The following CIMIP2A variants were observed in gnomAD, a reference collection of about 807,000 sequenced individuals.
CIMIP2A encodes the protein family with sequence similarity 166 member A.
At chr9:137,245,352 G>A in the CIMIP2A span, 9 of 1,606,870 alleles carry the variant, frequency 5.6e-6, no homozygotes, top group East Asian at 4.5e-5. Flanking sequence ...CGCTCTTCCA[G>A]GCCTCTTCCC....
the CIMIP2A span, chr9:137,245,212 G>C: frequency 5.7e-6 from 9 of 1,581,136 alleles, no homozygotes; most frequent in South Asian, 5.6e-5. Context: ...CTCTGGCAGT[G>C]GTACAGCTGG....
At chr9:137,251,772 C>A in the CIMIP2A span, 19 of 1,586,156 alleles carry the variant, frequency 1.2e-5, no homozygotes, top group Non-Finnish European at 1.6e-5. Context: ...GGGCCCGGAG[C>A]CGGGGATGGC....
At chr9:137,244,624 T>C in the CIMIP2A span, 7 of 1,612,984 alleles carry the variant, frequency 4.3e-6, no homozygotes, top group Non-Finnish European at 5.9e-6. Context: ...GAGCAGGCCC[T>C]GGATGGCGCT....
At chr9:137,252,230 G>A in the CIMIP2A span, 3 of 1,504,968 alleles carry the variant, frequency 2.0e-6, no homozygotes, top group Non-Finnish European at 2.7e-6. Flanking sequence ...CACGGCCTGA[G>A]GGCCCCTCCA....
chr9:137,251,900 G>C, the CIMIP2A span: 8 of 1,605,754 alleles, frequency 5.0e-6, no homozygotes, highest in African/African-American at 1.3e-5. Flanking sequence ...AACTATGTGA[G>C]TGAGGGTCCT....
chr9:137,252,949 C>T, the CIMIP2A span: 1 of 1,599,260 alleles, frequency 6.3e-7, no homozygotes, highest in Non-Finnish European at 8.5e-7. Flanking sequence ...CTGCGTTCAC[C>T]TCCTGGCTCA....
chr9:137,245,732 A>C, the CIMIP2A span: 2 of 1,601,138 alleles, frequency 1.2e-6, no homozygotes, highest in African/African-American at 2.7e-5. Context: ...TTGGGTTTGG[A>C]CATGGGGGAC....
chr9:137,252,419 T>C, the CIMIP2A span: 1 of 1,605,706 alleles, frequency 6.2e-7, no homozygotes, highest in Non-Finnish European at 8.5e-7. Flanking sequence ...CTTCTCTCTC[T>C]CCATCCTCCA....
chr9:137,245,317 C>T, the CIMIP2A span: 1 of 1,589,178 alleles, frequency 6.3e-7, no homozygotes, highest in South Asian at 1.1e-5. Context: ...CTGGTGCTGC[C>T]TGGGGGCCTC....
the CIMIP2A span, chr9:137,245,772 G>A: frequency 6.4e-7 from 1 of 1,556,370 alleles, no homozygotes; most frequent in African/African-American, 1.4e-5. Flanking sequence ...TCTGCACACT[G>A]GGGTCTGTGA....
At chr9:137,247,782 G>T in the CIMIP2A span, 1 of 1,506,162 alleles carries the variant, frequency 6.6e-7, no homozygotes, top group Non-Finnish European at 9.2e-7. Context: ...CCTGAGGGGA[G>T]TCCTGTCACC....
At chr9:137,253,290 C>A in the CIMIP2A span, 1 of 1,576,434 alleles carries the variant, frequency 6.3e-7, no homozygotes, top group East Asian at 2.3e-5. Flanking sequence ...CGAGTGGAAC[C>A]ATGGCCTCCC....
At chr9:137,249,755 G>A in the CIMIP2A span, among the ~76,000 whole-genome samples, 2 of 152,240 alleles carry the variant, frequency 1.3e-5, no homozygotes, top group Non-Finnish European at 2.9e-5. Flanking sequence ...CGAGGACATG[G>A]AAGCGCCAGC....
the CIMIP2A span, chr9:137,252,281 A>G: frequency 7.5e-7 from 1 of 1,335,822 alleles, no homozygotes; most frequent in Non-Finnish European, 1.0e-6. Flanking sequence ...ACCTGTAAGG[A>G]GGCCTGGAGA....
At chr9:137,244,752 T>C in the CIMIP2A span, 2 of 1,610,476 alleles carry the variant, frequency 1.2e-6, no homozygotes, top group Non-Finnish European at 1.7e-6. Context: ...GGTAGGCAGA[T>C]GTACGGGCTA....
chr9:137,245,048 G>A, the CIMIP2A span: 1 of 1,610,234 alleles, frequency 6.2e-7, no homozygotes, highest in Non-Finnish European at 8.5e-7. Context: ...ACCTTGTGGG[G>A]AGGGGCGGCC....
At chr9:137,251,820 C>A in the CIMIP2A span, 1 of 1,604,236 alleles carries the variant, frequency 6.2e-7, no homozygotes, top group East Asian at 2.3e-5. Context: ...GAAGGAGATC[C>A]CAGTTGGCCT....
At chr9:137,245,403 G>C in the CIMIP2A span, 2 of 1,613,716 alleles carry the variant, frequency 1.2e-6, no homozygotes, top group Non-Finnish European at 1.7e-6. Flanking sequence ...CTCCCTTCCT[G>C]CCTGGTGGGC....
the CIMIP2A span, chr9:137,255,094 C>T: frequency 6.3e-6 from 1 of 159,916 alleles, no homozygotes; most frequent in Non-Finnish European, 1.4e-5. Context: ...CGACGACGTC[C>T]GTTCCCGGAG....
Sources: gnomAD v4.1 joint callset for allele counts (sites outside exome capture counted in the v4.1 genomes callset) on GRCh38, gnomAD v4.1.1 for gene constraint, MANE v1.5 for transcripts, NCBI Gene and HGNC (gene_info 2026-07-23, HGNC 2026-07-21) for gene names.